The following ADAMTSL1 variants were observed in gnomAD, a reference collection of about 807,000 sequenced individuals.
ADAMTSL1 encodes the protein ADAMTS-like protein 1.
ADAMTSL1 carries 126 observed loss-of-function variants against 201.8 expected under a neutral mutation model. The ratio of observed to expected loss-of-function variants is 0.62; its 90% confidence interval spans 0.54 to 0.72. ADAMTSL1 has a LOEUF of 0.72. Ranked by LOEUF, ADAMTSL1 falls within the 30% of genes least tolerant of loss-of-function variation. The probability of loss-of-function intolerance (pLI) is 0.00; values close to 1 mark genes in which losing one functional copy is unlikely to be tolerated. For missense variants in ADAMTSL1, 2,679 were observed against 2,277.8 expected, an observed-to-expected ratio of 1.18 and a Z score of -3.59; for synonymous variants, 1,121 against 903.4, an observed-to-expected ratio of 1.24 and a Z score of -4.32.
intron 3 of ADAMTSL1, among the ~76,000 whole-genome samples, chr9:18,566,483 G>T (rs747685524): frequency 6.6e-6 from 1 of 152,188 alleles, no homozygotes; most frequent in Non-Finnish European, 1.5e-5. Flanking sequence ...GCAGGATAAA[G>T]ACAAATCAGC....
At chr9:17,909,215 G>A (rs10963329) in intron 1 of ADAMTSL1, among the ~76,000 whole-genome samples, 9,067 of 140,580 alleles carry the variant, frequency 0.064, 300 homozygotes, top group Middle Eastern at 0.13. Context: ...TAGATTCTGG[G>A]TATTAGCCCT....
chr9:18,213,857 A>G (rs572101438), intron 2 of ADAMTSL1, among the ~76,000 whole-genome samples: 48 of 152,140 alleles, frequency 3.2e-4, no homozygotes, highest in African/African-American at 1.1e-3. Flanking sequence ...CCCCTGCCTC[A>G]GCCTCCCGAG....
intron 2 of ADAMTSL1, among the ~76,000 whole-genome samples, chr9:18,288,696 A>G (rs969612826): frequency 6.6e-6 from 1 of 152,240 alleles, no homozygotes; most frequent in Non-Finnish European, 1.5e-5. Flanking sequence ...TAAAAGAGGC[A>G]GCAGAGGCTA....
chr9:18,322,739 G>A (rs902710919), intron 2 of ADAMTSL1, among the ~76,000 whole-genome samples: 2 of 152,106 alleles, frequency 1.3e-5, no homozygotes, highest in African/African-American at 4.8e-5. Context: ...CCAGAAATAA[G>A]AGTGGTTATT....
At chr9:17,984,643 A>T (rs1818850508) in intron 1 of ADAMTSL1, among the ~76,000 whole-genome samples, 2 of 152,146 alleles carry the variant, frequency 1.3e-5, no homozygotes, top group Non-Finnish European at 2.9e-5. Context: ...GAAACTCCTT[A>T]GTCCGAGTTG....
chr9:18,075,786 G>A (rs1350728433), intron 1 of ADAMTSL1, among the ~76,000 whole-genome samples: 1 of 152,186 alleles, frequency 6.6e-6, no homozygotes, highest in Non-Finnish European at 1.5e-5. Context: ...AGGCTTTGGG[G>A]CATTTCCAAG....
At position 18,148,761 on chromosome 9, in the gene ADAMTSL1, T is replaced by G. The variant is rs78236124; in HGVS notation, c.88-15101T>G. 5.5e-3 allele frequency among the ~76,000 whole-genome samples: 833 copies of G among 152,148 alleles called. 12 individuals are homozygous for G. Among genetic ancestry groups the G allele is most frequent in the African/African-American group, 0.019 (782 of 41,526 alleles). On this transcript the variant is annotated intron_variant, in intron 1 of 29. Coordinates refer to the ADAMTSL1 transcript ENST00000680146. ...ACATTTAACACATTTGGTAATATAC[T>G]CAGGGGCACATTTAAACAAAAAGAG... is the stretch of plus-strand genomic sequence containing the variant.
intron 2 of ADAMTSL1, among the ~76,000 whole-genome samples, chr9:18,325,917 T>C (rs774861483): frequency 1.3e-5 from 2 of 152,182 alleles, no homozygotes; most frequent in Non-Finnish European, 2.9e-5. Flanking sequence ...ATTTTTGTGT[T>C]TTTAGTAGAT....
At chr9:18,478,511 A>C (rs968816097) in intron 1 of ADAMTSL1, among the ~76,000 whole-genome samples, 3 of 152,206 alleles carry the variant, frequency 2.0e-5, no homozygotes, top group African/African-American at 7.2e-5. Flanking sequence ...TCATATTTTC[A>C]GTGATTCTTA....
At chr9:18,697,238 T>C (rs1831615026) in intron 13 of ADAMTSL1, among the ~76,000 whole-genome samples, 1 of 152,216 alleles carries the variant, frequency 6.6e-6, no homozygotes. Flanking sequence ...TTAAAACTAG[T>C]TCAAATGAGA....
At position 18,319,200 on chromosome 9, in the gene ADAMTSL1, C is replaced by T. The variant is rs118085562; in HGVS notation, c.207+155219C>T. On this transcript the variant is annotated intron_variant, in intron 2 of 29. Transcript: ENST00000680146. ...TGGGCAATAGAGTGAGACCCCAACT[C>T]TATTTAAAAAAAAGAAAAAGCCAGC... 4.2e-3 allele frequency among the ~76,000 whole-genome samples: 644 copies of T among 152,062 alleles called. 4 individuals are homozygous for T. The highest frequency in any genetic ancestry group is 5.3e-3 in the Non-Finnish European group (361 of 68,004).
At chr9:18,238,270 A>G (rs1402161058) in intron 2 of ADAMTSL1, among the ~76,000 whole-genome samples, 1 of 152,238 alleles carries the variant, frequency 6.6e-6, no homozygotes, top group Non-Finnish European at 1.5e-5. Context: ...GAAATACAGA[A>G]GAAAAAGAAT....
At chr9:18,008,854 C>G (rs1819939936) in intron 1 of ADAMTSL1, among the ~76,000 whole-genome samples, 1 of 151,970 alleles carries the variant, frequency 6.6e-6, no homozygotes, top group South Asian at 2.1e-4. Context: ...AGATTCAGAA[C>G]TGATTTACTT....
chr9:18,240,008 C>G (rs889857913), intron 2 of ADAMTSL1, among the ~76,000 whole-genome samples: 1 of 152,188 alleles, frequency 6.6e-6, no homozygotes, highest in African/African-American at 2.4e-5. Flanking sequence ...TTGGCATCAA[C>G]TTCTTCCAAA....
rs545272585 is a variant in ADAMTSL1, at chr9:18,046,635, T to C, written c.88-117227T>C. ...ACAGGAAATAAAATTTGTTTTTGAA[T>C]CCCTGTACTCTTAACTATTTATATT... On this transcript the variant is annotated intron_variant, in intron 1 of 29. Transcript: ENST00000680146. 3.9e-3 allele frequency among the ~76,000 whole-genome samples: 597 copies of C among 152,252 alleles called. 3 individuals carry two copies. Among genetic ancestry groups the C allele is most frequent in the African/African-American group, 0.013 (551 of 41,562 alleles).
chr9:18,072,040 T>C (rs1378813392), intron 1 of ADAMTSL1, among the ~76,000 whole-genome samples: 1 of 152,162 alleles, frequency 6.6e-6, no homozygotes, highest in Non-Finnish European at 1.5e-5. Flanking sequence ...CCCTGGCAAC[T>C]GTTAGAACAA....
chr9:18,856,107 A>C (rs939427621), intron 23 of ADAMTSL1, among the ~76,000 whole-genome samples: 1 of 152,196 alleles, frequency 6.6e-6, no homozygotes, highest in Non-Finnish European at 1.5e-5. Flanking sequence ...TAAAACAAAT[A>C]CCAGGGAGAT....
chr9:18,352,911 T>A (rs1836040174), intron 2 of ADAMTSL1, among the ~76,000 whole-genome samples: 1 of 152,190 alleles, frequency 6.6e-6, no homozygotes, highest in Non-Finnish European at 1.5e-5. Context: ...GCAAATAACA[T>A]GTATTTGGTA....
chr9:18,257,853 C>T (rs12347131), intron 2 of ADAMTSL1, among the ~76,000 whole-genome samples: 34,956 of 151,954 alleles, frequency 0.23, 4,217 homozygotes, highest in African/African-American at 0.31. Context: ...TACAAATATG[C>T]TAGGTAAAAT....
Sources: allele counts gnomAD v4.1 joint callset (sites outside exome capture counted in the v4.1 genomes callset), GRCh38; gene constraint gnomAD v4.1.1; transcripts MANE v1.5; gene names NCBI Gene and HGNC (gene_info 2026-07-23, HGNC 2026-07-21).